TAF2: variants seen among roughly 807,000 people sequenced by gnomAD.
The protein encoded by TAF2 is transcription initiation factor TFIID subunit 2.
In TAF2, 61 loss-of-function variants were observed where a neutral mutation model predicts 138.5. The observed-to-expected ratio is 0.44, with a 90% CI of 0.36 to 0.54. TAF2 has a LOEUF of 0.54. Among genes scored for constraint, TAF2 ranks in the 20% least tolerant of loss-of-function variants. The pLI is 0.00. For missense variants in TAF2, 1,090 were observed against 1,427.9 expected (o/e 0.76, Z 3.81); for synonymous variants, 475 against 469.9 (o/e 1.01, Z -0.14).
chr8:119,763,344 T>C (rs1821193270), intron 18 of TAF2, among the ~76,000 whole-genome samples: 3 of 152,204 alleles, frequency 2.0e-5, no homozygotes, highest in African/African-American at 7.2e-5. Context: ...ATAGCTTCAG[T>C]TTACTGGAGC....
intron 18 of TAF2, among the ~76,000 whole-genome samples, chr8:119,774,102 C>A (rs1023522702): frequency 6.7e-6 from 1 of 148,276 alleles, no homozygotes; most frequent in Non-Finnish European, 1.5e-5. Context: ...ACCTGGCAGG[C>A]GGAGCTTGCA....
intron 14 of TAF2, among the ~76,000 whole-genome samples, chr8:119,787,430 G>A (rs1448469113): frequency 6.6e-6 from 1 of 151,598 alleles, no homozygotes; most frequent in Non-Finnish European, 1.5e-5. Context: ...GTGGGTTAAA[G>A]ATATGAACAG....
At chr8:119,818,935 C>T (rs983658504) in intron 3 of TAF2, among the ~76,000 whole-genome samples, 2 of 152,078 alleles carry the variant, frequency 1.3e-5, no homozygotes, top group East Asian at 3.9e-4. Context: ...TTAATGCAGT[C>T]AATTTCATTA....
intron 25 of TAF2, 37 bp downstream of exon 25, chr8:119,742,497 G>T: frequency 6.2e-7 from 1 of 1,604,746 alleles, no homozygotes; most frequent in South Asian, 1.1e-5. Context: ...ATTTGTTCTT[G>T]AACAAAATAA....
In TAF2 at chr8:119,782,119, T is replaced by C. The variant is rs536121503; in HGVS notation, c.2113-926A>G. Among the ~76,000 whole-genome samples, 11 of 152,324 alleles carry C rather than the reference T, an allele frequency of 7.2e-5. No homozygotes were observed. The East Asian group carries it at 9.6e-4, about 13-fold the overall frequency. ...GTCTGTCTTTATTCGTTTAGACAGA[T>C]ATAATTCTAATATTTTAACCTTATG... On this transcript the variant is annotated intron_variant, in intron 16 of 25. Coordinates refer to ENST00000378164, the MANE Select transcript of TAF2 (RefSeq NM_003184.4).
chr8:119,790,986 G>A (rs1823387046), intron 11 of TAF2, among the ~76,000 whole-genome samples: 1 of 76,986 alleles, frequency 1.3e-5, no homozygotes, highest in Non-Finnish European at 3.3e-5. Flanking sequence ...TTTTTGAGAT[G>A]GGGGGGGTCT....
chr8:119,803,770 A>G (rs4871629), intron 5 of TAF2, 108 bp downstream of exon 5: 616,914 of 1,094,926 alleles, frequency 0.56, 175,437 homozygotes, highest in Middle Eastern at 0.67. Context: ...CTAAATTTGG[A>G]AGGGAATAAA....
In TAF2 at chr8:119,797,699, C is replaced by T. The variant is rs766849988; in HGVS notation, c.940G>A (p.Val314Ile). ...FKTVFIDEAY[V>I]EVAAYASMSI... is the part of the protein sequence containing the mutation. ...ATGGAAGCATAAGCAGCCACTTCAA[C>T]ATAAGCCTCATCAATGAAGACAGTC... The change falls in exon 7 of 26, where the codon GTT becomes ATT. Residue 314 changes from valine (V) to isoleucine (I), a missense_variant. Val to Ile is a conservative substitution (Grantham distance 29). Around this residue, in one of 3 missense-constraint regions of TAF2, gnomAD observed 504 missense variants for 680.9 expected, o/e 0.74. Coordinates refer to ENST00000378164, the MANE Select transcript of TAF2 (RefSeq NM_003184.4). 1.2e-6 allele frequency: 2 copies of T among 1,613,496 alleles called. No individual in the cohort carries two copies. The highest frequency in any genetic ancestry group is 8.5e-7 in the Non-Finnish European group (1 of 1,179,688).
chr8:119,742,710 G>GAA, intron 24 of TAF2, 54 bp from the exon 25 acceptor site: 1 of 1,562,150 alleles, frequency 6.4e-7, no homozygotes, highest in Non-Finnish European at 8.7e-7. Context: ...TTTCCCAAAA[G>GAA]AAAAAAAAAG....
chr8:119,797,228 A>T (rs144247379), intron 7 of TAF2, 125 bp from the exon 8 acceptor site: 11 of 738,032 alleles, frequency 1.5e-5, no homozygotes, highest in Admixed American at 2.6e-5. Context: ...CCACCTTTCT[A>T]ATCTTTTCAA....
At chr8:119,744,139 T>C (rs1819786590) in intron 24 of TAF2, 149 bp downstream of exon 24, 1 of 800,940 alleles carries the variant, frequency 1.2e-6, no homozygotes, top group African/African-American at 1.7e-5. Flanking sequence ...TTTTGCCAAT[T>C]TATGTTATAA....
rs1176679694 is a variant in TAF2, at chr8:119,793,350, T to G, written c.1277+16A>C. On this transcript the variant is annotated intron_variant, in intron 10 of 25. Coordinates refer to ENST00000378164, the MANE Select transcript of TAF2 (RefSeq NM_003184.4). ...TAGTCAAGGTTTATAATATCATCTC[T>G]GAACAATAAACATACTTATCCTTCT... 1.3e-6 allele frequency: 2 copies of G among 1,596,472 alleles called. No individual in the cohort carries two copies. Among genetic ancestry groups the G allele is most frequent in the Non-Finnish European group, 1.7e-6 (2 of 1,164,482 alleles).
Position 119,742,606 on chromosome 8 carries a change from G to A in TAF2, c.3265C>T (p.His1089Tyr). ...ASSRSALIPQ[H>Y]SAGCDSTPTT... ...GGTGTGCTGTCACAGCCTGCTGAGT[G>A]CTGGGGTATTAAAGCAGATCGGGAG... Residue 1089 changes from histidine (H) to tyrosine (Y), a missense_variant, in exon 25 of 26, where the codon CAC becomes TAC. Physicochemically the swap from His to Tyr is moderately conservative, Grantham distance 83 (BLOSUM62 2). Coordinates refer to ENST00000378164, the MANE Select transcript of TAF2 (RefSeq NM_003184.4). 1 of 1,613,962 alleles carries A rather than the reference G, an allele frequency of 6.2e-7. No individual in the cohort carries two copies.
chr8:119,800,409 C>T (rs1031089476), intron 6 of TAF2, among the ~76,000 whole-genome samples: 2 of 152,082 alleles, frequency 1.3e-5, no homozygotes, highest in Non-Finnish European at 2.9e-5. Context: ...GAATCCTTTC[C>T]CCATTTCTTG....
At chr8:119,807,095 A>T (rs1824713667) in intron 3 of TAF2, among the ~76,000 whole-genome samples, 1 of 152,182 alleles carries the variant, frequency 6.6e-6, no homozygotes. Flanking sequence ...AAGCTTTATA[A>T]TTTGACAAAA....
intron 23 of TAF2, chr8:119,744,898 C>T (rs1819852020): frequency 2.2e-6 from 1 of 456,066 alleles, no homozygotes. Flanking sequence ...TTGAGTTTGA[C>T]TTTACTGCTA....
At chr8:119,747,624 AGC>A (rs1820066132) in intron 22 of TAF2, among the ~76,000 whole-genome samples, 2 of 152,176 alleles carry the variant, frequency 1.3e-5, no homozygotes, top group African/African-American at 4.8e-5. Context: ...GACAGATCAG[AGC>A]ACATTGATAC....
At chr8:119,743,919 G>A (rs1819772924) in intron 24 of TAF2, among the ~76,000 whole-genome samples, 1 of 152,038 alleles carries the variant, frequency 6.6e-6, no homozygotes, top group Admixed American at 6.6e-5. Flanking sequence ...AGATAGGCAG[G>A]CAAAAAGAGA....
Position 119,801,915 on chromosome 8 carries a change from A to G in TAF2, c.671T>C (p.Val224Ala), listed in dbSNP as rs533938349. ...AVSNGDLVET[V>A]YTHDMRKKTF... Reference sequence around the variant, plus strand: ...TTTCTTCCTCATATCATGAGTATACACTGTCTCCACCAAATCGCCATTAGA... The same window carrying G: ...TTTCTTCCTCATATCATGAGTATACGCTGTCTCCACCAAATCGCCATTAGA... Residue 224 changes from valine (V) to alanine (A), a missense_variant, in exon 6 of 26, where the codon GTG (valine) becomes GCG (alanine). Physicochemically the swap from Val to Ala is moderately conservative, Grantham distance 64 (BLOSUM62 0). Around this residue, in one of 3 missense-constraint regions of TAF2, gnomAD observed 504 missense variants for 680.9 expected, o/e 0.74. Transcript: ENST00000378164. 4 of 1,614,202 alleles carry G rather than the reference A, an allele frequency of 2.5e-6. No individual in the cohort carries two copies. The African/African-American group carries it at 4.0e-5, about 16-fold the overall frequency.
Sources: allele counts gnomAD v4.1 joint callset (sites outside exome capture counted in the v4.1 genomes callset), GRCh38; gene constraint gnomAD v4.1.1; regional missense constraint gnomAD v4.1.1; transcripts MANE v1.5; gene names NCBI Gene and HGNC (gene_info 2026-07-23, HGNC 2026-07-21).